The following FRAS1 variants were observed in gnomAD, a reference collection of about 807,000 sequenced individuals.
FRAS1 encodes extracellular matrix organizing protein FRAS1.
A neutral mutation model predicts 435.2 loss-of-function variants in FRAS1; 290 were observed. The observed-to-expected ratio is 0.67, with a 90% CI of 0.61 to 0.73. The LOEUF (loss-of-function observed/expected upper bound fraction) is 0.73, where lower values mean the gene tolerates loss of function less well. Among genes scored for constraint, FRAS1 ranks in the 30% least tolerant of loss-of-function variants. The pLI is 0.00. For synonymous variants in FRAS1, 1,800 were observed against 1,851.0 expected, an observed-to-expected ratio of 0.97 and a Z score of 0.71; for missense variants, 4,860 against 5,001.5, an observed-to-expected ratio of 0.97 and a Z score of 0.85.
At chr4:78,191,616 G>A (rs1406622874) in intron 2 of FRAS1, among the ~76,000 whole-genome samples, 1 of 149,580 alleles carries the variant, frequency 6.7e-6, no homozygotes, top group African/African-American at 2.5e-5. Context: ...ATGTATACAT[G>A]TGCCATGTTG....
At chr4:78,461,166 T>C (rs1342040887) in intron 47 of FRAS1, among the ~76,000 whole-genome samples, 2 of 152,214 alleles carry the variant, frequency 1.3e-5, no homozygotes, top group Non-Finnish European at 2.9e-5. Context: ...TAGAAGGAAC[T>C]ACTCAAAAAT....
chr4:78,115,440 C>T (rs1248655399), intron 2 of FRAS1, among the ~76,000 whole-genome samples: 1 of 152,122 alleles, frequency 6.6e-6, no homozygotes, highest in African/African-American at 2.4e-5. Flanking sequence ...TAGAATTCGG[C>T]TGTGAATCCA....
chr4:78,091,367 G>A (rs1180472998), intron 2 of FRAS1, among the ~76,000 whole-genome samples: 1 of 152,048 alleles, frequency 6.6e-6, no homozygotes, highest in Non-Finnish European at 1.5e-5. Flanking sequence ...TCCATGTTAT[G>A]TAGCATCAAG....
chr4:78,513,247 A>G (rs946530150), intron 64 of FRAS1, 145 bp from the exon 65 acceptor site: 4 of 709,626 alleles, frequency 5.6e-6, no homozygotes, highest in African/African-American at 5.3e-5. Flanking sequence ...CCCTGTTCAG[A>G]TAGAAATCCT....
intron 30 of FRAS1, 149 bp downstream of exon 30, chr4:78,401,036 G>A (rs1732871954): frequency 1.4e-6 from 1 of 690,390 alleles, no homozygotes; most frequent in Non-Finnish European, 2.3e-6. Flanking sequence ...GAATAATCAT[G>A]ATAGCTATCA....
intron 14 of FRAS1, among the ~76,000 whole-genome samples, chr4:78,295,748 CTT>C (rs571061110): frequency 3.0e-4 from 43 of 141,038 alleles, no homozygotes; most frequent in Non-Finnish European, 2.8e-4. Context: ...ATATTTCCTT[CTT>C]TTTTTTTTTT....
chr4:78,320,945 T>G (rs971999138), intron 18 of FRAS1, among the ~76,000 whole-genome samples: 6 of 152,184 alleles, frequency 3.9e-5, no homozygotes, highest in African/African-American at 1.2e-4. Context: ...GTTTTCCCAT[T>G]GGTACAGTGC....
chr4:78,525,804 A>G (rs1265835390), intron 69 of FRAS1, among the ~76,000 whole-genome samples: 2 of 152,148 alleles, frequency 1.3e-5, no homozygotes, highest in African/African-American at 4.8e-5. Flanking sequence ...AGTGTGGGAG[A>G]CGAAATAGGA....
chr4:78,318,922 C>A lies in FRAS1; in HGVS notation c.2073C>A (p.Pro691=). 6.2e-7 allele frequency: 1 copy of A among 1,613,976 alleles called. No homozygotes were observed. The highest frequency in any genetic ancestry group is 8.5e-7 in the Non-Finnish European group (1 of 1,179,880). ...QVEQLSDVGI[P]SGECLAQCRA... is the part of the protein sequence containing the mutation. ...AGCAGCTGTCTGACGTGGGCATCCC[C>A]TCTGGCGAGTGTCTAGCCCAGTGTA... Residue 691 remains proline (P), a synonymous_variant, in exon 18 of 74, where the codon CCC becomes CCA. Transcript: ENST00000512123.
rs1191713470 is a variant in FRAS1, at chr4:78,261,560, G to C, written c.604-3465G>C. Among the ~76,000 whole-genome samples the C allele has an allele frequency of 2.0e-5, 3 of 152,226 alleles. No individual in the cohort carries two copies. In the East Asian group the frequency reaches 5.8e-4, roughly 29 times the overall value. On this transcript the variant is annotated intron_variant, in intron 6 of 73. Transcript: ENST00000512123. ...TCATGAAGCTTAGGAAGCATTTTCA[G>C]ATCTTTCCCTAAAGCAGGTTTTAAG...
At chr4:78,329,286 C>T (rs980448847) in intron 18 of FRAS1, among the ~76,000 whole-genome samples, 8 of 152,168 alleles carry the variant, frequency 5.3e-5, no homozygotes, top group Admixed American at 2.0e-4. Flanking sequence ...AATGTTGGTT[C>T]GAGCTCGAGA....
chr4:78,129,608 G>A (rs1425524963), intron 2 of FRAS1, among the ~76,000 whole-genome samples: 2 of 152,082 alleles, frequency 1.3e-5, no homozygotes, highest in African/African-American at 4.8e-5. Context: ...CACATGCACA[G>A]AACAGGGTAG....
intron 14 of FRAS1, among the ~76,000 whole-genome samples, chr4:78,295,340 T>C (rs1172426937): frequency 6.6e-6 from 1 of 152,246 alleles, no homozygotes; most frequent in Non-Finnish European, 1.5e-5. Context: ...TTTAAGAAAG[T>C]TGTACTAATT....
rs1420232413 is a variant in FRAS1 at position 78,499,810 on chromosome 4, C to T, written c.9205C>T (p.Arg3069Cys). The T allele has an allele frequency of 2.5e-6, 4 of 1,613,860 alleles. No individual in the cohort carries two copies. The highest frequency in any genetic ancestry group is 3.4e-6 in the Non-Finnish European group (4 of 1,179,814). Residue 3069 changes from arginine to cysteine, a missense_variant, in exon 61 of 74, where the codon CGC (arginine) becomes TGC (cysteine). By Grantham distance (180) the Arg-to-Cys change is radical (BLOSUM62 -3). Transcript: ENST00000512123. ...AIAILNIKVI[R>C]RGDQNRTSKV... ...TGCGATTCTGAACATCAAGGTGATC[C>T]GCAGAGGGGATCAGAACAGGACCTC...
At chr4:78,161,504 C>G (rs571842941) in intron 2 of FRAS1, among the ~76,000 whole-genome samples, 1 of 152,002 alleles carries the variant, frequency 6.6e-6, no homozygotes, top group Non-Finnish European at 1.5e-5. Context: ...ATGGAATAAT[C>G]TAGACAGGGC....
chr4:78,115,465 T>G (rs1004895016), intron 2 of FRAS1, among the ~76,000 whole-genome samples: 2 of 152,078 alleles, frequency 1.3e-5, no homozygotes, highest in Non-Finnish European at 2.9e-5. Context: ...GTCCTGGACT[T>G]TTTTTGGTTG....
At chr4:78,274,213 G>A (rs924909761) in intron 9 of FRAS1, among the ~76,000 whole-genome samples, 20 of 151,978 alleles carry the variant, frequency 1.3e-4, no homozygotes, top group Non-Finnish European at 2.5e-4. Flanking sequence ...CTTTTCTTCT[G>A]TATTAGTCTT....
intron 2 of FRAS1, among the ~76,000 whole-genome samples, chr4:78,118,896 G>A (rs147730594): frequency 0.01 from 1,553 of 152,192 alleles, 26 homozygotes; most frequent in African/African-American, 0.035. Context: ...GAAATCACCC[G>A]TCTTCTGCAT....
chr4:78,387,308 G>T (rs1276797519), intron 28 of FRAS1, 67 bp from the exon 29 acceptor site: 2 of 1,134,000 alleles, frequency 1.8e-6, no homozygotes, highest in Non-Finnish European at 1.3e-6. Context: ...TAACAATCAG[G>T]TATCTAGTCC....
Sources: allele counts gnomAD v4.1 joint callset (sites outside exome capture counted in the v4.1 genomes callset), GRCh38; gene constraint gnomAD v4.1.1; transcripts MANE v1.5; gene names NCBI Gene and HGNC (gene_info 2026-07-23, HGNC 2026-07-21).